The following RSU1 variants were observed in gnomAD, a reference collection of about 807,000 sequenced individuals.
RSU1 encodes the protein rsu-1.
RSU1 carries 26 observed loss-of-function variants against 31.1 expected under a neutral mutation model. The ratio of observed to expected loss-of-function variants is 0.84; its 90% CI spans 0.61 to 1.16. The LOEUF is 1.16. Ranked by LOEUF, RSU1 falls within the 50% of genes most tolerant of loss-of-function variation. The probability of loss-of-function intolerance (pLI) is 0.00; values close to 1 mark genes in which losing one functional copy is unlikely to be tolerated. For synonymous variants in RSU1, 164 were observed against 136.3 expected, an observed-to-expected ratio of 1.20 and a Z score of -1.41; for missense variants, 320 against 339.1, an observed-to-expected ratio of 0.94 and a Z score of 0.44.
At chr10:16,609,893 T>C (rs1257785477) in intron 8 of RSU1, among the ~76,000 whole-genome samples, 2 of 152,218 alleles carry the variant, frequency 1.3e-5, no homozygotes, top group East Asian at 3.8e-4. Flanking sequence ...CAGAGACACA[T>C]TCCATATTCC....
intron 8 of RSU1, among the ~76,000 whole-genome samples, chr10:16,597,066 T>C (rs531965743): frequency 6.6e-6 from 1 of 152,318 alleles, no homozygotes; most frequent in Admixed American, 6.5e-5. Flanking sequence ...CCACTGTTCA[T>C]GCCCATGGAA....
intron 7 of RSU1, among the ~76,000 whole-genome samples, chr10:16,740,564 A>C (rs1225768373): frequency 2.0e-5 from 3 of 152,210 alleles, no homozygotes; most frequent in Non-Finnish European, 4.4e-5. Flanking sequence ...AGCTCTCATA[A>C]AGAGAAAATT....
chr10:16,762,100 C>T (rs1262713855), intron 4 of RSU1, among the ~76,000 whole-genome samples: 1 of 152,040 alleles, frequency 6.6e-6, no homozygotes, highest in Non-Finnish European at 1.5e-5. Flanking sequence ...AGCCTTGCCC[C>T]AATAGGTAAG....
At chr10:16,749,958 G>A (rs1285583086) in intron 7 of RSU1, among the ~76,000 whole-genome samples, 3 of 152,180 alleles carry the variant, frequency 2.0e-5, no homozygotes, top group Admixed American at 6.5e-5. Flanking sequence ...AGGAGGGACT[G>A]TCAGGTTCAA....
chr10:16,807,097 G>A (rs1838288557), intron 2 of RSU1, among the ~76,000 whole-genome samples: 1 of 152,218 alleles, frequency 6.6e-6, no homozygotes, highest in Non-Finnish European at 1.5e-5. Context: ...CTCACTTACA[G>A]CTGTTAAGAA....
At chr10:16,674,302 A>G (rs1448037116) in intron 8 of RSU1, among the ~76,000 whole-genome samples, 1 of 151,850 alleles carries the variant, frequency 6.6e-6, no homozygotes, top group Non-Finnish European at 1.5e-5. Flanking sequence ...AGCAACATTT[A>G]TGGTGATGGA....
At chr10:16,678,056 C>CA (rs1211005106) in intron 8 of RSU1, among the ~76,000 whole-genome samples, 2 of 152,172 alleles carry the variant, frequency 1.3e-5, no homozygotes, top group Non-Finnish European at 2.9e-5. Flanking sequence ...CTTTAAGACA[C>CA]AATCAATTCT....
chr10:16,645,969 T>A lies in RSU1; in HGVS notation c.731+49054A>T, dbSNP rs1375313422. ...ATATGTGTATATACATATATGTGTA[T>A]ATATATGTGTATATACATATATGTG... On this transcript the variant is annotated intron_variant, in intron 8 of 8. Transcript: ENST00000345264. Among the ~76,000 whole-genome samples the A allele has an allele frequency of 3.8e-5, 2 of 52,510 alleles. 1 individual carries two copies. Among genetic ancestry groups the A allele is most frequent in the Admixed American group, 4.3e-4 (2 of 4,620 alleles). The allele number at this position is 52,510 out of a possible 152,430, so 34.4% of individuals were successfully genotyped here.
intron 8 of RSU1, among the ~76,000 whole-genome samples, chr10:16,622,794 G>C (rs1023456772): frequency 2.0e-5 from 3 of 152,226 alleles, no homozygotes; most frequent in African/African-American, 7.2e-5. Context: ...ACTCATGAAA[G>C]TTTATCAAGG....
At chr10:16,758,532 A>G (rs1262155323) in intron 4 of RSU1, among the ~76,000 whole-genome samples, 1 of 152,186 alleles carries the variant, frequency 6.6e-6, no homozygotes, top group Non-Finnish European at 1.5e-5. Flanking sequence ...CGGCTCCAGC[A>G]CTTGCTAGCT....
At chr10:16,645,333 A>G (rs1369480747) in intron 8 of RSU1, among the ~76,000 whole-genome samples, 1 of 152,226 alleles carries the variant, frequency 6.6e-6, no homozygotes, top group East Asian at 1.9e-4. Flanking sequence ...TGTTTCCCAA[A>G]AGCTCATCTT....
chr10:16,656,333 G>C (rs370518778), intron 8 of RSU1, among the ~76,000 whole-genome samples: 6 of 151,996 alleles, frequency 3.9e-5, no homozygotes, highest in East Asian at 3.9e-4. Context: ...CTTATACATC[G>C]CAACTTGAAA....
At chr10:16,801,533 C>T (rs75645267) in intron 2 of RSU1, among the ~76,000 whole-genome samples, 3,920 of 152,224 alleles carry the variant, frequency 0.026, 174 homozygotes, top group African/African-American at 0.088. Context: ...ACACCACCAT[C>T]TATCAGCTGG....
At chr10:16,806,322 C>T (rs1445375242) in intron 2 of RSU1, among the ~76,000 whole-genome samples, 1 of 152,178 alleles carries the variant, frequency 6.6e-6, no homozygotes, top group Non-Finnish European at 1.5e-5. Context: ...ATCTTCATCT[C>T]CTCCACAGGG....
At chr10:16,719,777 C>G (rs575565753) in intron 7 of RSU1, among the ~76,000 whole-genome samples, 2 of 152,340 alleles carry the variant, frequency 1.3e-5, no homozygotes, top group South Asian at 4.1e-4. Context: ...GCTCCTATCA[C>G]CTGGCCACAT....
chr10:16,756,011 A>G (rs1352881287), intron 4 of RSU1, among the ~76,000 whole-genome samples: 1 of 152,208 alleles, frequency 6.6e-6, no homozygotes, highest in Non-Finnish European at 1.5e-5. Flanking sequence ...CAACTTCCCT[A>G]TGAACGTAGT....
At chr10:16,715,883 GC>G (rs1836129811) in intron 7 of RSU1, among the ~76,000 whole-genome samples, 1 of 152,192 alleles carries the variant, frequency 6.6e-6, no homozygotes, top group Admixed American at 6.5e-5. Flanking sequence ...TCTACAGATT[GC>G]TTTAGATAGT....
intron 8 of RSU1, among the ~76,000 whole-genome samples, chr10:16,673,886 T>C (rs545438244): frequency 6.6e-6 from 1 of 152,280 alleles, no homozygotes; most frequent in East Asian, 1.9e-4. Flanking sequence ...GAAGAAGAGC[T>C]GCCTCCCCTC....
chr10:16,702,866 A>G (rs1182839675), intron 7 of RSU1, among the ~76,000 whole-genome samples: 1 of 152,168 alleles, frequency 6.6e-6, no homozygotes, highest in African/African-American at 2.4e-5. Flanking sequence ...GGGCAGAATG[A>G]TATCGTTTGG....
Sources: gnomAD v4.1 joint callset for allele counts (sites outside exome capture counted in the v4.1 genomes callset) on GRCh38, gnomAD v4.1.1 for gene constraint, MANE v1.5 for transcripts, NCBI Gene and HGNC (gene_info 2026-07-23, HGNC 2026-07-21) for gene names.